The following ERBB4 variants were observed in gnomAD, a reference collection of about 807,000 sequenced individuals.
ERBB4 encodes receptor tyrosine-protein kinase erbB-4.
ERBB4 carries 42 observed loss-of-function variants against 158.0 expected under a neutral mutation model. The ratio of observed to expected loss-of-function variants is 0.27; its 90% CI spans 0.21 to 0.34. The LOEUF (loss-of-function observed/expected upper bound fraction) is 0.34, where lower values mean the gene tolerates loss of function less well. Among genes scored for constraint, ERBB4 ranks in the 10% least tolerant of loss-of-function variants. The pLI, the probability that ERBB4 is intolerant of heterozygous loss-of-function variation, is 1.00. For missense variants in ERBB4, 1,333 were observed against 1,624.1 expected, an observed-to-expected ratio of 0.82 and a Z score of 3.08; for synonymous variants, 583 against 558.7, an observed-to-expected ratio of 1.04 and a Z score of -0.61.
intron 2 of ERBB4, among the ~76,000 whole-genome samples, chr2:212,048,328 C>T (rs1357463970): frequency 6.6e-6 from 1 of 152,128 alleles, no homozygotes; most frequent in African/African-American, 2.4e-5. Context: ...TTTTCACAGT[C>T]TTAATCATAC....
rs769458178 is a variant in ERBB4, at chr2:211,570,325, C to CTTT, written c.2302-8240_2302-8238dup. Among the ~76,000 whole-genome samples the CTTT allele has an allele frequency of 1.7e-3, 184 of 105,190 alleles. 6 individuals carry two copies. Among genetic ancestry groups the CTTT allele is most frequent in the Middle Eastern group, 7.6e-3 (1 of 132 alleles). The allele number at this position is 105,190 out of a possible 152,430, so 69.0% of individuals were successfully genotyped here. A position where few individuals can be genotyped will look rare whatever the true frequency, so the allele number is the denominator to read the frequency against. ...CGCCACCACACTTGGCTAATTTTTG[C>CTTT]TTTTTTTTTTTTTTTTTTCTCAGTA... On this transcript the variant is annotated intron_variant, in intron 19 of 27. Coordinates refer to ENST00000342788, the MANE Select transcript of ERBB4 (RefSeq NM_005235.3).
chr2:211,673,184 G>A lies in ERBB4; in HGVS notation c.1696C>T (p.Leu566Phe), dbSNP rs750257662. The change falls in exon 14 of 28, where the codon CTC becomes TTC. Residue 566 changes from leucine to phenylalanine, a missense_variant. Leu to Phe is a conservative substitution (Grantham distance 22). Transcript: ENST00000342788. ...DPQCEKMEDG[L>F]LTCHGPGPDN... ...CTTACCGGTCCATGGCATGTGAGGAGGCCATCTTCCATCTTCTCACACTGG... is the reference window on the plus strand; with the variant it reads ...CTTACCGGTCCATGGCATGTGAGGAAGCCATCTTCCATCTTCTCACACTGG... 1.2e-6 allele frequency: 2 copies of A among 1,613,104 alleles called. No homozygotes were observed. Among genetic ancestry groups the A allele is most frequent in the South Asian group, 1.1e-5 (1 of 91,054 alleles).
intron 19 of ERBB4, among the ~76,000 whole-genome samples, chr2:211,603,541 C>A (rs1284866197): frequency 1.3e-5 from 2 of 152,100 alleles, no homozygotes; most frequent in African/African-American, 2.4e-5. Context: ...ATAAACATTT[C>A]TTTTGGTCTC....
Position 212,085,579 on chromosome 2 carries a change from A to G in ERBB4, c.234+39173T>C, listed in dbSNP as rs142014086. Among the ~76,000 whole-genome samples the G allele has an allele frequency of 2.6e-3, 395 of 152,058 alleles. 2 individuals carry two copies. The highest frequency in any genetic ancestry group is 4.0e-3 in the Non-Finnish European group (273 of 67,898). ...GGCTTAGGTCATCTACTTTACATATATATTTTTGACAGTTGCAGGTCATCT... is the reference window on the plus strand; with the variant it reads ...GGCTTAGGTCATCTACTTTACATATGTATTTTTGACAGTTGCAGGTCATCT... On this transcript the variant is annotated intron_variant, in intron 2 of 27. Coordinates refer to ENST00000342788, the MANE Select transcript of ERBB4 (RefSeq NM_005235.3).
intron 1 of ERBB4, among the ~76,000 whole-genome samples, chr2:212,394,823 T>C (rs1471200129): frequency 6.6e-6 from 1 of 152,092 alleles, no homozygotes; most frequent in Non-Finnish European, 1.5e-5. Flanking sequence ...CTTTAGGAAA[T>C]GACGCTGCAT....
chr2:212,384,569 A>T (rs879143355), intron 1 of ERBB4, among the ~76,000 whole-genome samples: 1 of 151,608 alleles, frequency 6.6e-6, no homozygotes, highest in Admixed American at 6.6e-5. Context: ...ACTTCATTTG[A>T]TTTCCTCTTA....
intron 1 of ERBB4, among the ~76,000 whole-genome samples, chr2:212,391,751 A>ATGTCAATATATT (rs1327762615): frequency 2.2e-4 from 31 of 142,154 alleles, no homozygotes; most frequent in African/African-American, 8.2e-4. Context: ...TATTATATAT[A>ATGTCAATATATT]ATATTGACAT....
intron 8 of ERBB4, among the ~76,000 whole-genome samples, chr2:211,712,752 C>G (rs888779059): frequency 1.5e-5 from 2 of 132,424 alleles, no homozygotes; most frequent in African/African-American, 2.9e-5. Context: ...TTTAAACAAA[C>G]AAACAAAACA....
chr2:212,496,949 G>T (rs1232847573), intron 1 of ERBB4, among the ~76,000 whole-genome samples: 1 of 152,164 alleles, frequency 6.6e-6, no homozygotes, highest in East Asian at 1.9e-4. Flanking sequence ...GGAGGCCGAT[G>T]GGGGTGGATC....
chr2:211,380,417 C>T lies in ERBB4; in HGVS notation c.*3198G>A, dbSNP rs1284621861. 4 of 231,986 alleles carry T rather than the reference C, an allele frequency of 1.7e-5. No individual in the cohort carries two copies. The highest frequency in any genetic ancestry group is 6.1e-5 in the East Asian group (1 of 16,434). 14.4% of individuals were successfully genotyped at this position (231,986 alleles called of 1,614,324 possible). On this transcript the variant is annotated 3_prime_UTR_variant, in exon 28 of 28. Coordinates refer to ENST00000342788, the MANE Select transcript of ERBB4 (RefSeq NM_005235.3). Reference sequence around the variant, plus strand: ...GTTGGGTGATTTAAAAAATATACTCCGTGTAATTTTAATACTAATTTGTCT... The same window carrying T: ...GTTGGGTGATTTAAAAAATATACTCTGTGTAATTTTAATACTAATTTGTCT...
chr2:212,308,782 T>C lies in ERBB4; in HGVS notation c.83-183879A>G, dbSNP rs375781004. ...TTAAATGTGTTGAAGCAATATTCAA[T>C]AGGCTTAACATTCTATAATTTGGCC... is the stretch of plus-strand genomic sequence containing the variant. On this transcript the variant is annotated intron_variant, in intron 1 of 27. Coordinates refer to ENST00000342788, the MANE Select transcript of ERBB4 (RefSeq NM_005235.3). 2.0e-5 allele frequency among the ~76,000 whole-genome samples: 3 copies of C among 151,110 alleles called. No homozygotes were observed. The East Asian group carries it at 5.9e-4, about 30-fold the overall frequency.
intron 3 of ERBB4, among the ~76,000 whole-genome samples, chr2:211,814,384 T>C (rs2076831578): frequency 2.0e-5 from 3 of 152,304 alleles, no homozygotes; most frequent in East Asian, 1.9e-4. Context: ...AGGCATGTAA[T>C]ATATGACTTA....
chr2:212,141,541 A>T (rs1389312313), intron 1 of ERBB4, among the ~76,000 whole-genome samples: 1 of 152,100 alleles, frequency 6.6e-6, no homozygotes, highest in Non-Finnish European at 1.5e-5. Flanking sequence ...TTAAAAATAG[A>T]AAAACATTTC....
intron 2 of ERBB4, among the ~76,000 whole-genome samples, chr2:212,050,738 A>C (rs529028875): frequency 6.6e-6 from 1 of 152,278 alleles, no homozygotes; most frequent in South Asian, 2.1e-4. Context: ...TATGGTGATT[A>C]AGGATGTTGT....
chr2:211,940,266 T>A (rs1234952579), intron 3 of ERBB4, among the ~76,000 whole-genome samples: 1 of 152,130 alleles, frequency 6.6e-6, no homozygotes, highest in African/African-American at 2.4e-5. Context: ...AGCAAAACGA[T>A]GGAGCCATTG....
intron 2 of ERBB4, among the ~76,000 whole-genome samples, chr2:212,049,535 C>T (rs760279611): frequency 6.6e-6 from 1 of 152,040 alleles, no homozygotes; most frequent in African/African-American, 2.4e-5. Flanking sequence ...CTATAAACTA[C>T]GTTATGACAG....
At chr2:211,521,429 A>C (rs1295164649) in intron 20 of ERBB4, among the ~76,000 whole-genome samples, 1 of 152,336 alleles carries the variant, frequency 6.6e-6, no homozygotes, top group East Asian at 1.9e-4. Flanking sequence ...GCAGAAGAAA[A>C]GTTGGAAGCT....
chr2:211,660,278 C>G (rs1384825759), intron 15 of ERBB4, among the ~76,000 whole-genome samples: 2 of 152,150 alleles, frequency 1.3e-5, no homozygotes, highest in Non-Finnish European at 1.5e-5. Flanking sequence ...GGCAGCCAGG[C>G]CGACTCATTT....
At chr2:212,175,553 G>A (rs745492031) in intron 1 of ERBB4, among the ~76,000 whole-genome samples, 23 of 150,972 alleles carry the variant, frequency 1.5e-4, no homozygotes, top group African/African-American at 3.4e-4. Context: ...GATAATTTTC[G>A]CGCTATGTCT....
Sources: gnomAD v4.1 joint callset for allele counts (sites outside exome capture counted in the v4.1 genomes callset) on GRCh38, gnomAD v4.1.1 for gene constraint, MANE v1.5 for transcripts, NCBI Gene and HGNC (gene_info 2026-07-23, HGNC 2026-07-21) for gene names.